The following FBXO34 variants were observed in gnomAD, a reference collection of about 807,000 sequenced individuals.
The protein encoded by FBXO34 is F-box only protein 34.
In FBXO34, 12 loss-of-function variants were observed where a neutral mutation model predicts 24.5. The observed-to-expected ratio is 0.49, with a 90% CI of 0.31 to 0.79. The LOEUF is 0.79. Ranked by LOEUF, FBXO34 falls within the 30% of genes least tolerant of loss-of-function variation. The pLI, the probability that FBXO34 is intolerant of heterozygous loss-of-function variation, is 0.04. For synonymous variants in FBXO34, 320 were observed against 311.9 expected (o/e 1.03, Z -0.27); for missense variants, 823 against 857.7 (o/e 0.96, Z 0.51).
rs777112072 is a variant in FBXO34, at chr14:55,284,513, CA to C, written c.-11+12995del. On this transcript the variant is annotated intron_variant, in intron 1 of 1. Transcript: ENST00000313833. ...GGCAACAAGAGTGAACCTCTGTCTC[CA>C]AAAAAAAAAAAAAAAAAAGTGAATG... Among the ~76,000 whole-genome samples, 497 of 84,146 alleles carry C rather than the reference CA, an allele frequency of 5.9e-3. 5 individuals are homozygous for C. Among genetic ancestry groups the C allele is most frequent in the East Asian group, 0.058 (179 of 3,112 alleles). The allele number at this position is 84,146 out of a possible 152,430, so 55.2% of individuals were successfully genotyped here. A position where few individuals can be genotyped will look rare whatever the true frequency, so the allele number is the denominator to read the frequency against.
the FBXO34 span, among the ~76,000 whole-genome samples, chr14:55,442,714 C>A: frequency 9.9e-6 from 1 of 100,546 alleles, no homozygotes; most frequent in Non-Finnish European, 2.1e-5. Context: ...GTTGAGATAA[C>A]CTACACATTT....
At chr14:55,402,970 A>ATATATAG in the FBXO34 span, among the ~76,000 whole-genome samples, 1 of 69,470 alleles carries the variant, frequency 1.4e-5, no homozygotes, top group Non-Finnish European at 3.0e-5. Flanking sequence ...TATATATATA[A>ATATATAG]ATAGCTGGGC....
At chr14:55,299,165 C>T (rs146670319) in intron 1 of FBXO34, 14 of 1,064,284 alleles carry the variant, frequency 1.3e-5, no homozygotes, top group African/African-American at 9.4e-5. Flanking sequence ...TCAGTGGCCC[C>T]GAAACAGTCC....
intron 1 of FBXO34, among the ~76,000 whole-genome samples, chr14:55,328,620 A>G (rs1883430799): frequency 1.3e-5 from 2 of 152,216 alleles, no homozygotes; most frequent in South Asian, 4.1e-4. Context: ...TTTTTGGACC[A>G]TGGTTGACCT....
At chr14:55,298,735 G>A in intron 1 of FBXO34, 1 of 1,570,742 alleles carries the variant, frequency 6.4e-7, no homozygotes, top group East Asian at 2.3e-5. Context: ...GAGATGTTAA[G>A]CAAGAAACAG....
the FBXO34 span, among the ~76,000 whole-genome samples, chr14:55,441,935 G>A: frequency 6.6e-6 from 1 of 151,206 alleles, no homozygotes; most frequent in South Asian, 2.1e-4. Context: ...GCTAATTTTT[G>A]TATTTTTAGT....
chr14:55,397,047 G>A, the FBXO34 span, among the ~76,000 whole-genome samples: 1 of 152,192 alleles, frequency 6.6e-6, no homozygotes, highest in Non-Finnish European at 1.5e-5. Context: ...AAGCAGTAAT[G>A]TCCTATGGGA....
Position 55,351,636 on chromosome 14 carries a change from T to C in FBXO34, c.1246T>C (p.Phe416Leu). The C allele has an allele frequency of 6.2e-7, 1 of 1,614,150 alleles. No homozygotes were observed. Residue 416 changes from phenylalanine to leucine, a missense_variant, in exon 2 of 2, where the codon TTT (phenylalanine) becomes CTT (leucine). Around this residue, in one of 2 missense-constraint regions of FBXO34, gnomAD observed 693 missense variants for 659.1 expected, o/e 1.05. Coordinates refer to ENST00000313833, the MANE Select transcript of FBXO34 (RefSeq NM_017943.4). ...EMTDELVGLPFSSHTYSQASE... is the reference protein window; with the variant it reads ...EMTDELVGLPLSSHTYSQASE... ...GACAGATGAACTCGTTGGGTTACCT[T>C]TTTCCTCTCATACCTATTCCCAAGC...
intron 1 of FBXO34, among the ~76,000 whole-genome samples, chr14:55,323,221 A>ATC (rs1883217836): frequency 3.3e-5 from 1 of 29,960 alleles, no homozygotes. Flanking sequence ...AAAAAAAAAT[A>ATC]TATATTTTTT....
chr14:55,401,455 T>C, the FBXO34 span, among the ~76,000 whole-genome samples: 1 of 152,218 alleles, frequency 6.6e-6, no homozygotes, highest in Admixed American at 6.5e-5. Flanking sequence ...GAAAGAAATC[T>C]GCCAGTGAAC....
At chr14:55,273,673 A>G (rs1242234421) in intron 1 of FBXO34, among the ~76,000 whole-genome samples, 1 of 152,202 alleles carries the variant, frequency 6.6e-6, no homozygotes, top group Non-Finnish European at 1.5e-5. Flanking sequence ...AACCTTTAAG[A>G]TGAAAGAATC....
downstream of FBXO34, among the ~76,000 whole-genome samples, chr14:55,374,171 G>T (rs1357151179): frequency 6.6e-6 from 1 of 152,124 alleles, no homozygotes; most frequent in Non-Finnish European, 1.5e-5. Flanking sequence ...GGTTGCAAAT[G>T]GAAACTTGTT....
intron 1 of FBXO34, among the ~76,000 whole-genome samples, chr14:55,349,473 G>A (rs939936786): frequency 8.6e-5 from 13 of 151,160 alleles, no homozygotes; most frequent in African/African-American, 3.1e-4. Context: ...ACAGTTAAAT[G>A]TTTCTACACA....
the FBXO34 span, among the ~76,000 whole-genome samples, chr14:55,406,075 C>A: frequency 6.6e-6 from 1 of 152,146 alleles, no homozygotes; most frequent in African/African-American, 2.4e-5. Flanking sequence ...CTGCCAAACT[C>A]ATATTGTCCC....
chr14:55,373,883 C>T (rs1248099465), downstream of FBXO34, among the ~76,000 whole-genome samples: 1 of 152,018 alleles, frequency 6.6e-6, no homozygotes, highest in East Asian at 1.9e-4. Context: ...GAAATCCCAC[C>T]CAGGTTCCAT....
chr14:55,411,913 G>A, the FBXO34 span: 21 of 1,246,410 alleles, frequency 1.7e-5, no homozygotes, highest in South Asian at 3.1e-4. Context: ...AAGGGGGGCT[G>A]GGATGCCGGC....
chr14:55,420,757 G>A, the FBXO34 span, among the ~76,000 whole-genome samples: 16 of 152,024 alleles, frequency 1.1e-4, no homozygotes, highest in Non-Finnish European at 2.9e-5. Context: ...GTAAATGAAA[G>A]CTTTTTAAAA....
the FBXO34 span, chr14:55,411,818 G>A: frequency 6.3e-7 from 1 of 1,590,974 alleles, no homozygotes; most frequent in Non-Finnish European, 8.6e-7. Context: ...ACTGGGAGAC[G>A]CCATGATGGC....
the FBXO34 span, among the ~76,000 whole-genome samples, chr14:55,379,489 G>C: frequency 9.2e-5 from 14 of 152,138 alleles, no homozygotes; most frequent in Non-Finnish European, 1.3e-4. Flanking sequence ...AGGTTGCAAT[G>C]AGCTAAAATC....
Sources: allele counts gnomAD v4.1 joint callset (sites outside exome capture counted in the v4.1 genomes callset), GRCh38; gene constraint gnomAD v4.1.1; regional missense constraint gnomAD v4.1.1; transcripts MANE v1.5; gene names NCBI Gene and HGNC (gene_info 2026-07-23, HGNC 2026-07-21).